The following PDE11A variants were observed in gnomAD, a reference collection of about 807,000 sequenced individuals.
PDE11A encodes phosphodiesterase 11A, also known as dual 3',5'-cyclic-AMP and -GMP phosphodiesterase 11A.
PDE11A carries 100 observed loss-of-function variants against 100.5 expected under a neutral mutation model. That is an observed-to-expected ratio of 1.00 (90% CI 0.85 to 1.18). The LOEUF (loss-of-function observed/expected upper bound fraction) is 1.18. Ranked by LOEUF, PDE11A falls within the 50% of genes most tolerant of loss-of-function variation. PDE11A has a pLI of 0.00. For missense variants in PDE11A, 1,141 were observed against 1,152.6 expected, an observed-to-expected ratio of 0.99 and a Z score of 0.15; for synonymous variants, 381 against 420.8, an observed-to-expected ratio of 0.91 and a Z score of 1.16.
At chr2:177,853,919 T>C (rs1166048648) in intron 5 of PDE11A, among the ~76,000 whole-genome samples, 1 of 147,266 alleles carries the variant, frequency 6.8e-6, no homozygotes, top group Non-Finnish European at 1.5e-5. Context: ...TATGTGCATA[T>C]ATATGTATAT....
At chr2:178,045,398 C>T (rs766882639) in intron 1 of PDE11A, among the ~76,000 whole-genome samples, 2 of 152,204 alleles carry the variant, frequency 1.3e-5, no homozygotes, top group African/African-American at 4.8e-5. Context: ...ACACTCACAA[C>T]ATAGCTCCCA....
chr2:177,767,436 C>T (rs1436867550), intron 10 of PDE11A, among the ~76,000 whole-genome samples: 3 of 152,100 alleles, frequency 2.0e-5, no homozygotes, highest in African/African-American at 7.2e-5. Context: ...ATCATCTTTG[C>T]TGTCTTTCTT....
At chr2:178,016,934 G>A (rs1298894033) in intron 1 of PDE11A, among the ~76,000 whole-genome samples, 2 of 152,166 alleles carry the variant, frequency 1.3e-5, no homozygotes, top group Non-Finnish European at 2.9e-5. Flanking sequence ...GAAAACCTTT[G>A]AAGATCTTGA....
chr2:177,987,445 C>T (rs575568675), intron 2 of PDE11A, among the ~76,000 whole-genome samples: 2 of 152,292 alleles, frequency 1.3e-5, no homozygotes, highest in Non-Finnish European at 2.9e-5. Flanking sequence ...TAACTTTGAA[C>T]CACATTTTTC....
At chr2:177,755,439 C>A (rs1421842210) in intron 10 of PDE11A, among the ~76,000 whole-genome samples, 1 of 152,168 alleles carries the variant, frequency 6.6e-6, no homozygotes, top group Non-Finnish European at 1.5e-5. Flanking sequence ...GAAATGCCTG[C>A]CTGCCATAAA....
intron 15 of PDE11A, among the ~76,000 whole-genome samples, chr2:177,686,035 G>A (rs938614094): frequency 3.3e-5 from 5 of 152,150 alleles, no homozygotes; most frequent in African/African-American, 1.2e-4. Flanking sequence ...AGCAACACTA[G>A]GACAAAAGGG....
intron 15 of PDE11A, among the ~76,000 whole-genome samples, chr2:177,690,137 G>A (rs2081021304): frequency 6.6e-6 from 1 of 152,112 alleles, no homozygotes; most frequent in African/African-American, 2.4e-5. Context: ...ATGGGGATAT[G>A]GAATGAGTAT....
intron 4 of PDE11A, among the ~76,000 whole-genome samples, chr2:177,880,971 A>C (rs1436833404): frequency 1.3e-5 from 2 of 152,204 alleles, no homozygotes; most frequent in Non-Finnish European, 2.9e-5. Flanking sequence ...GATAGCTGGC[A>C]AAACATTATT....
chr2:178,085,567 A>G (rs935354852), intron 2 of PDE11A, among the ~76,000 whole-genome samples: 7 of 152,256 alleles, frequency 4.6e-5, no homozygotes, highest in African/African-American at 1.7e-4. Flanking sequence ...TAAAGAATAT[A>G]CAGCTTCAGG....
chr2:177,737,164 C>T (rs1463843133), intron 10 of PDE11A, among the ~76,000 whole-genome samples: 2 of 152,006 alleles, frequency 1.3e-5, no homozygotes, highest in African/African-American at 4.8e-5. Flanking sequence ...CGCTTTAACC[C>T]GGAAGGCAGA....
chr2:178,038,505 A>G (rs1206556093), intron 1 of PDE11A, among the ~76,000 whole-genome samples: 1 of 152,162 alleles, frequency 6.6e-6, no homozygotes, highest in Admixed American at 6.6e-5. Flanking sequence ...GGTGTTCAGA[A>G]TATATATGTA....
chr2:178,019,359 T>G (rs1040080412), intron 1 of PDE11A, among the ~76,000 whole-genome samples: 2 of 152,162 alleles, frequency 1.3e-5, no homozygotes, highest in Non-Finnish European at 2.9e-5. Flanking sequence ...AAACTTAATC[T>G]CTCAAATATG....
chr2:178,091,196 G>A (rs1331361242), intron 2 of PDE11A, among the ~76,000 whole-genome samples: 2 of 151,972 alleles, frequency 1.3e-5, no homozygotes, highest in African/African-American at 2.4e-5. Flanking sequence ...ACAGCCTCCC[G>A]AGTTGCTGGG....
chr2:177,692,748 T>TA (rs1384118459), intron 15 of PDE11A, among the ~76,000 whole-genome samples: 1 of 152,232 alleles, frequency 6.6e-6, no homozygotes, highest in Admixed American at 6.5e-5. Context: ...TTTTGTATTT[T>TA]AATCTTGTGA....
At chr2:178,041,073 A>G (rs1449637830) in intron 1 of PDE11A, among the ~76,000 whole-genome samples, 1 of 151,456 alleles carries the variant, frequency 6.6e-6, no homozygotes, top group Admixed American at 6.6e-5. Flanking sequence ...CCAAGTAGCT[A>G]GAACTACAGG....
At chr2:178,004,816 C>G in intron 2 of PDE11A, among the ~76,000 whole-genome samples, 1 of 152,110 alleles carries the variant, frequency 6.6e-6, no homozygotes, top group East Asian at 1.9e-4. Context: ...CTCTTCAGCA[C>G]TATGATGCAT....
chr2:177,792,571 G>A (rs573022064), intron 9 of PDE11A, among the ~76,000 whole-genome samples: 37 of 152,272 alleles, frequency 2.4e-4, no homozygotes, highest in Admixed American at 8.5e-4. Flanking sequence ...TTGAAACAGC[G>A]TGGCTCTGCT....
At chr2:177,860,149 A>G (rs959590540) in intron 5 of PDE11A, among the ~76,000 whole-genome samples, 2 of 151,860 alleles carry the variant, frequency 1.3e-5, no homozygotes, top group Non-Finnish European at 2.9e-5. Flanking sequence ...ACAGAAAACA[A>G]TAGAGAAAAT....
At chr2:177,654,947 A>G (rs1312128397) in intron 19 of PDE11A, among the ~76,000 whole-genome samples, 1 of 152,046 alleles carries the variant, frequency 6.6e-6, no homozygotes, top group Non-Finnish European at 1.5e-5. Flanking sequence ...TAAAAAAACT[A>G]TAAAGTTACT....
Sources: gnomAD v4.1 joint callset for allele counts (sites outside exome capture counted in the v4.1 genomes callset) on GRCh38, gnomAD v4.1.1 for gene constraint, MANE v1.5 for transcripts, NCBI Gene and HGNC (gene_info 2026-07-23, HGNC 2026-07-21) for gene names.